GMDS: variants seen among roughly 807,000 people sequenced by gnomAD.
GMDS encodes the protein GDP-mannose 4,6 dehydratase.
GMDS carries 20 observed loss-of-function variants against 49.9 expected under a neutral mutation model. That is an observed-to-expected ratio of 0.40 (90% confidence interval 0.28 to 0.58). The LOEUF (loss-of-function observed/expected upper bound fraction) is 0.58. Ranked by LOEUF, GMDS falls within the 20% of genes least tolerant of loss-of-function variation. The pLI, the probability that GMDS is intolerant of heterozygous loss-of-function variation, is 0.42. For synonymous variants in GMDS, 177 were observed against 178.6 expected (o/e 0.99, Z 0.07); for missense variants, 362 against 481.4 (o/e 0.75, Z 2.32).
chr6:1,939,757 A>G (rs1267110168), intron 6 of GMDS, among the ~76,000 whole-genome samples: 1 of 152,218 alleles, frequency 6.6e-6, no homozygotes, highest in Non-Finnish European at 1.5e-5. Context: ...ACTGAAAACA[A>G]TGGAATTGCC....
intron 1 of GMDS, among the ~76,000 whole-genome samples, chr6:2,226,495 T>C (rs1273536270): frequency 6.6e-6 from 1 of 152,180 alleles, no homozygotes; most frequent in African/African-American, 2.4e-5. Context: ...GAGTATATCA[T>C]TAACAAAAGT....
chr6:1,970,993 G>C (rs1434231045), intron 4 of GMDS, among the ~76,000 whole-genome samples: 1 of 151,878 alleles, frequency 6.6e-6, no homozygotes, highest in Admixed American at 6.6e-5. Flanking sequence ...GGGCAGGGGT[G>C]GGGGATAGGG....
At chr6:2,178,155 C>T (rs1778367369) in intron 1 of GMDS, among the ~76,000 whole-genome samples, 1 of 152,170 alleles carries the variant, frequency 6.6e-6, no homozygotes, top group South Asian at 2.1e-4. Flanking sequence ...AGAAGGAGAG[C>T]AACAGCTGGA....
intron 4 of GMDS, among the ~76,000 whole-genome samples, chr6:2,077,494 G>A (rs966653848): frequency 3.3e-5 from 5 of 152,060 alleles, no homozygotes; most frequent in Admixed American, 2.0e-4. Context: ...ATCATGAAGG[G>A]ATGCTGAATT....
chr6:2,042,030 A>C (rs1294681515), intron 4 of GMDS, among the ~76,000 whole-genome samples: 1 of 152,188 alleles, frequency 6.6e-6, no homozygotes, highest in Non-Finnish European at 1.5e-5. Context: ...ATTTGGGTCA[A>C]ACGCCCTGAT....
chr6:2,068,761 A>G (rs1340063914), intron 4 of GMDS, among the ~76,000 whole-genome samples: 1 of 152,208 alleles, frequency 6.6e-6, no homozygotes, highest in Non-Finnish European at 1.5e-5. Flanking sequence ...TCAAGGAAAT[A>G]AAAGAGGATA....
intron 4 of GMDS, among the ~76,000 whole-genome samples, chr6:1,994,139 G>T (rs556100272): frequency 6.6e-6 from 1 of 152,282 alleles, no homozygotes; most frequent in South Asian, 2.1e-4. Context: ...CTTATTCCTT[G>T]TATTTGTACT....
At chr6:2,070,504 AATCTGATGGATGAGGTC>A (rs1439811074) in intron 4 of GMDS, among the ~76,000 whole-genome samples, 2 of 152,202 alleles carry the variant, frequency 1.3e-5, no homozygotes, top group Admixed American at 6.5e-5. Context: ...AAGATCTAGC[AATCTGATGGATGAGGTC>A]ACAAGAGCTG....
At chr6:2,148,715 C>T (rs1054260500) in intron 1 of GMDS, among the ~76,000 whole-genome samples, 1 of 152,184 alleles carries the variant, frequency 6.6e-6, no homozygotes, top group South Asian at 2.1e-4. Context: ...CCACCACGTC[C>T]GGCCTGAAGT....
In GMDS at chr6:2,159,007, T is replaced by C. The variant is rs1230176909; in HGVS notation, c.103-34276A>G. 5.9e-5 allele frequency among the ~76,000 whole-genome samples: 9 copies of C among 152,230 alleles called. 1 individual carries two copies. The South Asian group carries it at 1.2e-3, about 21-fold the overall frequency. ...GGTTTAGAAGGAAGATAAGTAATTATGTGCTCTGGATAAACACAGGTACTG... is the reference window on the plus strand; with the variant it reads ...GGTTTAGAAGGAAGATAAGTAATTACGTGCTCTGGATAAACACAGGTACTG... On this transcript the variant is annotated intron_variant, in intron 1 of 10. Transcript: ENST00000380815.
chr6:1,916,588 G>A (rs1286178951), intron 7 of GMDS, among the ~76,000 whole-genome samples: 2 of 152,120 alleles, frequency 1.3e-5, no homozygotes, highest in Admixed American at 6.5e-5. Flanking sequence ...AGAGCCAATC[G>A]TGGCACAGTG....
chr6:1,906,295 G>A (rs1288622703), intron 7 of GMDS, among the ~76,000 whole-genome samples: 3 of 152,156 alleles, frequency 2.0e-5, no homozygotes, highest in Non-Finnish European at 1.5e-5. Context: ...CCAGCATTGA[G>A]AGCTGGGGTG....
chr6:1,653,276 C>A (rs1036106028), intron 9 of GMDS, among the ~76,000 whole-genome samples: 3 of 152,138 alleles, frequency 2.0e-5, no homozygotes, highest in African/African-American at 4.8e-5. Context: ...TTATAATAGG[C>A]CTTCAAATGC....
At chr6:1,846,046 G>C (rs1581249975) in intron 7 of GMDS, among the ~76,000 whole-genome samples, 1 of 151,542 alleles carries the variant, frequency 6.6e-6, no homozygotes, top group African/African-American at 2.4e-5. Flanking sequence ...AATATTAGAT[G>C]GGGAGTCAAG....
intron 7 of GMDS, among the ~76,000 whole-genome samples, chr6:1,748,713 T>G (rs1269260261): frequency 2.0e-5 from 3 of 152,280 alleles, no homozygotes; most frequent in Admixed American, 6.5e-5. Context: ...CAAATGGGTA[T>G]GACTGTGTTC....
chr6:1,840,928 C>T (rs1412584173), intron 7 of GMDS, among the ~76,000 whole-genome samples: 1 of 152,168 alleles, frequency 6.6e-6, no homozygotes, highest in Non-Finnish European at 1.5e-5. Context: ...GCGACTGTTG[C>T]ACCATCCAGC....
At chr6:2,143,182 T>C (rs538281516) in intron 1 of GMDS, among the ~76,000 whole-genome samples, 204 of 152,332 alleles carry the variant, frequency 1.3e-3, no homozygotes, top group African/African-American at 4.6e-3. Context: ...ACAGGTCCTA[T>C]GGCTCCAGCA....
intron 7 of GMDS, among the ~76,000 whole-genome samples, chr6:1,907,493 T>C (rs1002614760): frequency 7.9e-5 from 12 of 152,202 alleles, no homozygotes; most frequent in African/African-American, 2.9e-4. Flanking sequence ...CAATACAGTA[T>C]TGAAACAAGG....
chr6:1,655,618 C>T (rs1763855525), intron 9 of GMDS, among the ~76,000 whole-genome samples: 1 of 152,110 alleles, frequency 6.6e-6, no homozygotes, highest in Non-Finnish European at 1.5e-5. Flanking sequence ...ATTCTCCCGC[C>T]TCAGCCTCCT....
Sources: allele counts gnomAD v4.1 joint callset (sites outside exome capture counted in the v4.1 genomes callset), GRCh38; gene constraint gnomAD v4.1.1; transcripts MANE v1.5; gene names NCBI Gene and HGNC (gene_info 2026-07-23, HGNC 2026-07-21).